Variants in TBC1D4 observed in about 807,000 individuals in gnomAD.
TBC1D4 encodes TBC1 domain family member 4.
Under a neutral mutation model 142.5 loss-of-function variants are expected in TBC1D4, and 121 were observed. The observed-to-expected ratio is 0.85, with a 90% CI of 0.73 to 0.99. TBC1D4 has a LOEUF of 0.99. Ranked by LOEUF, TBC1D4 falls within the 50% of genes least tolerant of loss-of-function variation. The probability of loss-of-function intolerance (pLI) is 0.00; values close to 1 mark genes in which losing one functional copy is unlikely to be tolerated. For missense variants in TBC1D4, 1,475 were observed against 1,606.6 expected (o/e 0.92, Z 1.40); for synonymous variants, 630 against 628.2 (o/e 1.00, Z -0.04).
chr13:75,293,566 G>A (rs1157543295), intron 18 of TBC1D4, among the ~76,000 whole-genome samples: 1 of 152,106 alleles, frequency 6.6e-6, no homozygotes, highest in African/African-American at 2.4e-5. Context: ...AGGATTTATA[G>A]AATACCCATT....
intron 1 of TBC1D4, among the ~76,000 whole-genome samples, chr13:75,384,118 G>T (rs1884030351): frequency 6.6e-6 from 1 of 151,692 alleles, no homozygotes; most frequent in Admixed American, 6.6e-5. Flanking sequence ...TAATAATAAT[G>T]ATAAAAAGAA....
chr13:75,328,399 G>T (rs569225230), intron 8 of TBC1D4, among the ~76,000 whole-genome samples: 18 of 152,154 alleles, frequency 1.2e-4, no homozygotes, highest in South Asian at 8.3e-4. Flanking sequence ...TGGTGAATTG[G>T]TTATCAATTT....
chr13:75,433,327 A>G (rs144463497), intron 1 of TBC1D4, among the ~76,000 whole-genome samples: 1 of 152,286 alleles, frequency 6.6e-6, no homozygotes, highest in African/African-American at 2.4e-5. Flanking sequence ...GCACTCACTA[A>G]GTATGTATGG....
At chr13:75,400,775 C>T (rs1885052659) in intron 1 of TBC1D4, among the ~76,000 whole-genome samples, 1 of 152,020 alleles carries the variant, frequency 6.6e-6, no homozygotes, top group Non-Finnish European at 1.5e-5. Flanking sequence ...CACATCCATG[C>T]TTAAAATCAG....
At chr13:75,305,132 T>C (rs531076561) in intron 15 of TBC1D4, among the ~76,000 whole-genome samples, 1 of 152,314 alleles carries the variant, frequency 6.6e-6, no homozygotes, top group East Asian at 1.9e-4. Flanking sequence ...GAGAAACCCC[T>C]TTCACTTGGT....
chr13:75,289,460 T>C (rs1272951894), intron 19 of TBC1D4, among the ~76,000 whole-genome samples: 2 of 151,888 alleles, frequency 1.3e-5, no homozygotes, highest in Admixed American at 6.6e-5. Flanking sequence ...AGTAACTGTC[T>C]CCCAAAATGT....
At chr13:75,311,490 T>C (rs1468290734) in intron 13 of TBC1D4, among the ~76,000 whole-genome samples, 1 of 152,222 alleles carries the variant, frequency 6.6e-6, no homozygotes, top group Non-Finnish European at 1.5e-5. Flanking sequence ...GTTTTACTGT[T>C]GTTGTTTTAA....
At chr13:75,473,974 C>T (rs1199761060) in intron 1 of TBC1D4, among the ~76,000 whole-genome samples, 1 of 152,124 alleles carries the variant, frequency 6.6e-6, no homozygotes, top group Non-Finnish European at 1.5e-5. Context: ...ACTATAGACT[C>T]ATAGTTTATT....
chr13:75,381,053 A>G lies in TBC1D4; in HGVS notation c.499-18446T>C, dbSNP rs75805429. 2.3e-4 allele frequency among the ~76,000 whole-genome samples: 35 copies of G among 152,344 alleles called. No individual in the cohort carries two copies. The East Asian group carries it at 6.7e-3, about 29-fold the overall frequency. On this transcript the variant is annotated intron_variant, in intron 1 of 20. Transcript: ENST00000377636. The stretch of plus-strand genomic sequence containing the variant: ...TCATCCTCTATAAAATAGGGATAAT[A>G]CCTGTAACCTATAAAAACTGTGAGA...
At chr13:75,435,466 G>T (rs552774252) in intron 1 of TBC1D4, among the ~76,000 whole-genome samples, 1 of 151,980 alleles carries the variant, frequency 6.6e-6, no homozygotes, top group African/African-American at 2.4e-5. Context: ...ACTGTAACAA[G>T]GTTTTTAATT....
intron 1 of TBC1D4, among the ~76,000 whole-genome samples, chr13:75,368,524 G>A (rs912744927): frequency 1.3e-5 from 2 of 152,052 alleles, no homozygotes; most frequent in African/African-American, 4.8e-5. Context: ...CCTTTTTGAT[G>A]GCCTCTAAGT....
chr13:75,433,690 A>G (rs140572273), intron 1 of TBC1D4, among the ~76,000 whole-genome samples: 2,414 of 152,314 alleles, frequency 0.016, 70 homozygotes, highest in African/African-American at 0.052. Flanking sequence ...AGAACGGCAA[A>G]TTAAAAAGCT....
chr13:75,367,375 C>T (rs1593800268), intron 1 of TBC1D4, among the ~76,000 whole-genome samples: 1 of 151,894 alleles, frequency 6.6e-6, no homozygotes, highest in Non-Finnish European at 1.5e-5. Flanking sequence ...ATAGATATGA[C>T]GGATATCAGC....
At chr13:75,299,279 G>A (rs1486891071) in intron 17 of TBC1D4, 51 bp downstream of exon 17, 3 of 1,611,620 alleles carry the variant, frequency 1.9e-6, no homozygotes, top group East Asian at 4.5e-5. Context: ...AAGAGGGCCA[G>A]GATTTCTGGT....
At chr13:75,295,769 A>C (rs2137856900) in intron 17 of TBC1D4, among the ~76,000 whole-genome samples, 1 of 152,342 alleles carries the variant, frequency 6.6e-6, no homozygotes, top group African/African-American at 2.4e-5. Flanking sequence ...GTAAGTAACA[A>C]ACAAATTTGT....
intron 4 of TBC1D4, among the ~76,000 whole-genome samples, chr13:75,352,747 A>C (rs1196155703): frequency 6.6e-6 from 1 of 152,186 alleles, no homozygotes; most frequent in Admixed American, 6.5e-5. Context: ...TTACAAATTC[A>C]TAGCAATTAT....
At chr13:75,462,419 T>A (rs1367027773) in intron 1 of TBC1D4, among the ~76,000 whole-genome samples, 1 of 152,158 alleles carries the variant, frequency 6.6e-6, no homozygotes, top group African/African-American at 2.4e-5. Context: ...GCTTGCTTTC[T>A]GGGGAAGTCA....
chr13:75,363,087 T>C (rs1285295224), intron 1 of TBC1D4, among the ~76,000 whole-genome samples: 2 of 152,094 alleles, frequency 1.3e-5, no homozygotes, highest in East Asian at 1.9e-4. Flanking sequence ...ATATACCTCT[T>C]AGAATGGCTA....
Position 75,362,863 on chromosome 13 carries a change from A to AC in TBC1D4, c.499-257dup, listed in dbSNP as rs999425283. On this transcript the variant is annotated intron_variant, in intron 1 of 20. Transcript: ENST00000377636. The surrounding 1 kb of genome is among the most constrained non-coding windows in gnomAD (Gnocchi z 4.2). ...TTTAAATGAGTCTCCCAGAAACAAA[A>AC]CCATGAAACTATATAAGCCACTGCC... Among the ~76,000 whole-genome samples the AC allele has an allele frequency of 2.6e-5, 4 of 152,222 alleles. No homozygotes were observed. The highest frequency in any genetic ancestry group is 9.6e-5 in the African/African-American group (4 of 41,464).
Sources: allele counts gnomAD v4.1 joint callset (sites outside exome capture counted in the v4.1 genomes callset), GRCh38; gene constraint gnomAD v4.1.1; non-coding constraint Gnocchi (gnomAD v3.1); transcripts MANE v1.5; gene names NCBI Gene and HGNC (gene_info 2026-07-23, HGNC 2026-07-21).